LRCH1: variants seen among roughly 807,000 people sequenced by gnomAD.
The protein encoded by LRCH1 is leucine-rich repeat and calponin homology domain-containing protein 1.
LRCH1 carries 23 observed loss-of-function variants against 94.9 expected under a neutral mutation model. That is an observed-to-expected ratio of 0.24 (90% confidence interval 0.17 to 0.34). LRCH1 has a LOEUF of 0.34. Ranked by LOEUF, LRCH1 falls within the 10% of genes least tolerant of loss-of-function variation. The pLI is 1.00. For missense variants in LRCH1, 790 were observed against 945.9 expected (o/e 0.84, Z 2.16); for synonymous variants, 364 against 354.9 (o/e 1.03, Z -0.29).
At position 46,578,087 on chromosome 13, in the gene LRCH1, C is replaced by T. The variant is rs558203558; in HGVS notation, c.307+24384C>T. 5.9e-5 allele frequency among the ~76,000 whole-genome samples: 9 copies of T among 152,302 alleles called. No individual in the cohort carries two copies. In the South Asian group the frequency reaches 1.9e-3, roughly 32 times the overall value. ...ATAATCACAGGCACATGTGGCACCT[C>T]CTCCCCCATCTCTGCCCCACCTCTT... On this transcript the variant is annotated intron_variant, in intron 1 of 19. Coordinates refer to ENST00000389797, the MANE Select transcript of LRCH1 (RefSeq NM_001164211.2).
At chr13:46,699,261 T>C (rs1358188256) in intron 9 of LRCH1, 75 bp from the exon 10 acceptor site, 9 of 1,113,894 alleles carry the variant, frequency 8.1e-6, no homozygotes, top group Non-Finnish European at 1.2e-5. Context: ...GTTATAAACA[T>C]GGGCTGGGCA....
intron 16 of LRCH1, among the ~76,000 whole-genome samples, chr13:46,721,744 G>C (rs1872589523): frequency 2.0e-5 from 3 of 152,180 alleles, no homozygotes; most frequent in Non-Finnish European, 4.4e-5. Context: ...GCCACAAGCT[G>C]ACTCCTCTCT....
chr13:46,700,643 C>G (rs1406453416), intron 10 of LRCH1, among the ~76,000 whole-genome samples: 1 of 152,096 alleles, frequency 6.6e-6, no homozygotes, highest in Non-Finnish European at 1.5e-5. Context: ...TTTTAAGCTC[C>G]ACAGATGATT....
chr13:46,696,232 A>G (rs28721544), intron 9 of LRCH1, among the ~76,000 whole-genome samples: 1 of 140,190 alleles, frequency 7.1e-6, no homozygotes, highest in East Asian at 2.1e-4. Flanking sequence ...ACACACACAC[A>G]CTCTTTATAT....
intron 1 of LRCH1, among the ~76,000 whole-genome samples, chr13:46,571,157 G>A (rs1433222751): frequency 6.6e-6 from 1 of 152,238 alleles, no homozygotes. Context: ...GTTACAATAT[G>A]TTAGACTTTT....
intron 1 of LRCH1, among the ~76,000 whole-genome samples, chr13:46,580,148 G>T (rs2050348689): frequency 6.6e-6 from 1 of 152,142 alleles, no homozygotes; most frequent in African/African-American, 2.4e-5. Flanking sequence ...TTTTAAATAA[G>T]TTCTGTTTAA....
intron 16 of LRCH1, among the ~76,000 whole-genome samples, chr13:46,720,841 G>A (rs996810097): frequency 6.6e-6 from 1 of 152,088 alleles, no homozygotes; most frequent in Non-Finnish European, 1.5e-5. Flanking sequence ...TTTATTATGA[G>A]CCTAAAGAGA....
At chr13:46,585,727 G>C (rs757111536) in intron 1 of LRCH1, among the ~76,000 whole-genome samples, 5 of 152,030 alleles carry the variant, frequency 3.3e-5, no homozygotes, top group Non-Finnish European at 5.9e-5. Flanking sequence ...GATGTAACTG[G>C]ATTTGCTGGA....
chr13:46,571,570 C>A (rs2050241156), intron 1 of LRCH1, among the ~76,000 whole-genome samples: 1 of 152,164 alleles, frequency 6.6e-6, no homozygotes, highest in South Asian at 2.1e-4. Context: ...AACACTCTCC[C>A]AGAATGATGA....
chr13:46,609,887 G>A lies in LRCH1; in HGVS notation c.308-40314G>A, dbSNP rs368093016. On this transcript the variant is annotated intron_variant, in intron 1 of 19. Transcript: ENST00000389797. ...CTGCCAGACACACACAGCTGCCTAC[G>A]GGCAGGAAGGGGCCCCATTGGAAGC... Among the ~76,000 whole-genome samples the A allele has an allele frequency of 5.3e-5, 8 of 152,304 alleles. No individual in the cohort carries two copies. The South Asian group carries it at 1.5e-3, about 28-fold the overall frequency.
At chr13:46,610,477 A>G (rs985018224) in intron 1 of LRCH1, among the ~76,000 whole-genome samples, 1 of 150,770 alleles carries the variant, frequency 6.6e-6, no homozygotes, top group African/African-American at 2.4e-5. Flanking sequence ...GAAAGATAAT[A>G]TCTTTTTTTC....
chr13:46,750,696 G>A, exon 19 of LRCH1: 1 of 1,345,680 alleles, frequency 7.4e-7, no homozygotes, highest in African/African-American at 1.5e-5. Context: ...TCTCATCCAG[G>A]ATCCTGAACT....
intron 1 of LRCH1, among the ~76,000 whole-genome samples, chr13:46,581,110 G>A (rs1000178504): frequency 2.0e-5 from 3 of 152,180 alleles, no homozygotes; most frequent in African/African-American, 7.2e-5. Context: ...CACAGTCCCT[G>A]TGTACCAGAA....
At chr13:46,690,644 G>T (rs1211441991) in intron 7 of LRCH1, among the ~76,000 whole-genome samples, 1 of 152,204 alleles carries the variant, frequency 6.6e-6, no homozygotes, top group Admixed American at 6.5e-5. Context: ...AAGATGAGAG[G>T]TGGGTAGAAA....
chr13:46,686,111 C>A, intron 5 of LRCH1, 70 bp downstream of exon 5: 1 of 1,348,898 alleles, frequency 7.4e-7, no homozygotes, highest in Non-Finnish European at 9.6e-7. Context: ...GAAAATTTCC[C>A]CTTCACCCTC....
At chr13:46,718,396 A>C (rs2138210513) in intron 16 of LRCH1, among the ~76,000 whole-genome samples, 1 of 152,290 alleles carries the variant, frequency 6.6e-6, no homozygotes, top group Admixed American at 6.5e-5. Context: ...GAGGCTTTTT[A>C]GTGGCTCTTA....
chr13:46,732,174 G>A (rs1037616248), intron 18 of LRCH1, among the ~76,000 whole-genome samples: 7 of 152,166 alleles, frequency 4.6e-5, no homozygotes, highest in African/African-American at 1.7e-4. Flanking sequence ...ACCAGCAAAA[G>A]CATTCTAATT....
chr13:46,657,385 G>C (rs1014499862), intron 2 of LRCH1, among the ~76,000 whole-genome samples: 1 of 12,106 alleles, frequency 8.3e-5, no homozygotes, highest in Non-Finnish European at 2.2e-4. Flanking sequence ...TAGAGAAAAA[G>C]AGAGATTTTT....
At chr13:46,700,214 G>T (rs778880846) in intron 10 of LRCH1, among the ~76,000 whole-genome samples, 1 of 152,182 alleles carries the variant, frequency 6.6e-6, no homozygotes, top group East Asian at 1.9e-4. Context: ...TGGGAGGCAG[G>T]TGTTGACTCT....
Sources: allele counts gnomAD v4.1 joint callset (sites outside exome capture counted in the v4.1 genomes callset), GRCh38; gene constraint gnomAD v4.1.1; transcripts MANE v1.5; gene names NCBI Gene and HGNC (gene_info 2026-07-23, HGNC 2026-07-21).